The following MCAM variants were observed in gnomAD, a reference collection of about 807,000 sequenced individuals.
The protein encoded by MCAM is melanoma cell adhesion molecule, also known as cell surface glycoprotein MUC18.
A neutral mutation model predicts 79.1 loss-of-function variants in MCAM; 55 were observed. That is an observed-to-expected ratio of 0.70 (90% CI 0.56 to 0.87). The LOEUF (loss-of-function observed/expected upper bound fraction) is 0.87. Ranked by LOEUF, MCAM falls within the 40% of genes least tolerant of loss-of-function variation. MCAM has a pLI of 0.00. For missense variants in MCAM, 745 were observed against 839.8 expected (o/e 0.89, Z 1.40); for synonymous variants, 330 against 339.8 (o/e 0.97, Z 0.32).
chr11:119,311,482 A>G lies in MCAM; in HGVS notation c.1407+48T>C. On this transcript the variant is annotated intron_variant, in intron 11 of 15. Coordinates refer to ENST00000264036, the MANE Select transcript of MCAM (RefSeq NM_006500.3). This position sits in a 1 kb window ranked among gnomAD's most constrained non-coding sequence, Gnocchi z 4.4. ...GGAGGATCTCTGGTCCTGGCCACAA[A>G]GCGCAGGCAGGGATTAGGAGAGTGT... 6.2e-7 allele frequency: 1 copy of G among 1,613,462 alleles called. No homozygotes were observed. Among genetic ancestry groups the G allele is most frequent in the Non-Finnish European group, 8.5e-7 (1 of 1,179,466 alleles).
rs775652669 is a variant in MCAM at position 119,309,934 on chromosome 11, GA to G, written c.1912-20del. On this transcript the variant is annotated intron_variant, in intron 15 of 15. Coordinates refer to ENST00000264036, the MANE Select transcript of MCAM (RefSeq NM_006500.3). ...TCTCTCCCTAAAAGTGGGTAGAGGA[GA>G]AGAGGGGAACACGGAGACGGTGCTG... The G allele has an allele frequency of 2.3e-5, 37 of 1,596,524 alleles. No individual in the cohort carries two copies. The highest frequency in any genetic ancestry group is 2.9e-5 in the Non-Finnish European group (34 of 1,170,372).
In MCAM at chr11:119,315,107, C is replaced by G; in HGVS notation, c.192+32G>C. ...ACAAGAGGGGCAGAGTCTCCCTCCC[C>G]GGGCTGCTCTTGCAGGAGCCCAAGC... On this transcript the variant is annotated intron_variant, in intron 2 of 15. Coordinates refer to ENST00000264036, the MANE Select transcript of MCAM (RefSeq NM_006500.3). This position sits in a 1 kb window ranked among gnomAD's most constrained non-coding sequence, Gnocchi z 4.4. 1.2e-6 allele frequency: 2 copies of G among 1,612,770 alleles called. No individual in the cohort carries two copies. The highest frequency in any genetic ancestry group is 2.2e-5 in the South Asian group (2 of 91,084).
Position 119,310,373 on chromosome 11 carries a change from A to G in MCAM, c.1887T>C (p.Gly629=). 6.2e-7 allele frequency: 1 copy of G among 1,613,700 alleles called. No homozygotes were observed. The highest frequency in any genetic ancestry group is 8.5e-7 in the Non-Finnish European group (1 of 1,179,756). ...EEMGLLQGSS[G]DKRAPGDQGE... is the part of the protein sequence containing the mutation. ...CCTGGTCTCCCGGAGCCCTCTTGTC[A>G]CCGCTGCTGCCCTGCAGGAGGCCCA... Residue 629 remains glycine, a synonymous_variant, in exon 15 of 16, where the codon GGT becomes GGC. Transcript: ENST00000264036.
Position 119,308,985 on chromosome 11 carries a change from T to C in MCAM, c.*901A>G, listed in dbSNP as rs993696892. 6 of 152,210 alleles carry C rather than the reference T, an allele frequency of 3.9e-5. No individual in the cohort carries two copies. Among genetic ancestry groups the C allele is most frequent in the African/African-American group, 1.2e-4 (5 of 41,452 alleles). The allele number at this position is 152,210 out of a possible 1,614,324, so 9.4% of individuals were successfully genotyped here. ...CAGGCACGTATCTTTTCTTTTTTTT[T>C]CCTCGAGACGGAGTCTCGCTGTGTT... On this transcript the variant is annotated 3_prime_UTR_variant, in exon 16 of 16. Coordinates refer to ENST00000264036, the MANE Select transcript of MCAM (RefSeq NM_006500.3).
Position 119,317,113 on chromosome 11 carries a change from G to T in MCAM, c.-12C>A. The stretch of plus-strand genomic sequence containing the variant: ...CTGGGAAGCCCCATGCTTCCCGGCC[G>T]GAGGGCGAGAGCCAAGTGAGCAGCT... On this transcript the variant is annotated 5_prime_UTR_variant, in exon 1 of 16. Coordinates refer to ENST00000264036, the MANE Select transcript of MCAM (RefSeq NM_006500.3). This position sits in a 1 kb window ranked among gnomAD's most constrained non-coding sequence, Gnocchi z 6.2. 6.6e-7 allele frequency: 1 copy of T among 1,521,616 alleles called. No homozygotes were observed. The highest frequency in any genetic ancestry group is 8.8e-7 in the Non-Finnish European group (1 of 1,138,978). The allele number at this position is 1,521,616 out of a possible 1,614,324, so 94.3% of individuals were successfully genotyped here.
chr11:119,313,160 C>G (rs771336610), intron 5 of MCAM: 39 of 1,517,700 alleles, frequency 2.6e-5, no homozygotes, highest in Non-Finnish European at 3.3e-5. Flanking sequence ...CTGCTCATAT[C>G]CAAGGATGTG....
chr11:119,310,688 G>A lies in MCAM; in HGVS notation c.1793+68C>T, dbSNP rs77985032. 4,988 of 1,541,150 alleles carry A rather than the reference G, an allele frequency of 3.2e-3. 179 individuals carry two copies. The East Asian group carries it at 0.087, about 27-fold the overall frequency. On this transcript the variant is annotated intron_variant, in intron 14 of 15. Transcript: ENST00000264036. Reference sequence around the variant, plus strand: ...CCACTCCTGCTGTCAAGGGGCAGGCGGGCGCTGGGCAGGCAGCAGGCTGGG... The same window carrying A: ...CCACTCCTGCTGTCAAGGGGCAGGCAGGCGCTGGGCAGGCAGCAGGCTGGG...
Position 119,317,036 on chromosome 11 carries a change from C to A in MCAM, c.66G>T (p.Ala22=), listed in dbSNP as rs1419013303. ...LAACCCCPRV[A]GVPGEAEQPA... is the part of the protein sequence containing the mutation. ...CGGCCCCCCTGCGAGCGAACTCACC[C>A]GCGACGCGAGGACAGCAGCAGCAGG... Residue 22 remains alanine (A), a splice_region_variant and synonymous_variant, in exon 1 of 16, where the codon GCG becomes GCT. Coordinates refer to ENST00000264036, the MANE Select transcript of MCAM (RefSeq NM_006500.3). The surrounding 1 kb of genome is among the most constrained non-coding windows in gnomAD (Gnocchi z 6.2). 2 of 1,532,642 alleles carry A rather than the reference C, an allele frequency of 1.3e-6. No individual in the cohort carries two copies. The highest frequency in any genetic ancestry group is 1.4e-5 in the African/African-American group (1 of 71,734). The allele number at this position is 1,532,642 out of a possible 1,614,324, so 94.9% of individuals were successfully genotyped here.
rs1322059286 is a variant in MCAM, at chr11:119,309,377, C to T, written c.*509G>A. On this transcript the variant is annotated 3_prime_UTR_variant, in exon 16 of 16. Transcript: ENST00000264036. ...AGACAGGAGGGTGGTGGCAGCAACA[C>T]TGCAGCTGCTTCTGGATGCTGCTGG... The T allele has an allele frequency of 6.4e-6, 1 of 156,336 alleles. No individual in the cohort carries two copies. The highest frequency in any genetic ancestry group is 2.4e-5 in the African/African-American group (1 of 41,520). The allele number at this position is 156,336 out of a possible 1,614,324, so 9.7% of individuals were successfully genotyped here.
In MCAM at chr11:119,310,841, G is replaced by C. The variant is rs375032785; in HGVS notation, c.1708C>G (p.Leu570Val). ...ACAGCGCCCAGCACCGCCAGGACCA[G>C]GATGCACACAATCACAGCCACGATG... is the stretch of plus-strand genomic sequence containing the variant. ...VVIVAVIVCI[L>V]VLAVLGAVLY... The change falls in exon 14 of 16, where the codon CTG (leucine) becomes GTG (valine). Residue 570 changes from leucine (L) to valine (V), a missense_variant. By Grantham distance (32) the Leu-to-Val change is conservative (BLOSUM62 1). Transcript: ENST00000264036. 3.1e-6 allele frequency: 5 copies of C among 1,614,096 alleles called. No homozygotes were observed. The highest frequency in any genetic ancestry group is 1.3e-5 in the African/African-American group (1 of 74,942).
chr11:119,316,497 C>G lies in MCAM; in HGVS notation c.67+538G>C, dbSNP rs988300095. 6.5e-6 allele frequency: 1 copy of G among 154,302 alleles called. No individual in the cohort carries two copies. Among genetic ancestry groups the G allele is most frequent in the Non-Finnish European group, 1.4e-5 (1 of 69,372 alleles). The allele number at this position is 154,302 out of a possible 1,614,324, so 9.6% of individuals were successfully genotyped here. On this transcript the variant is annotated intron_variant, in intron 1 of 15. Transcript: ENST00000264036. The surrounding 1 kb of genome is among the most constrained non-coding windows in gnomAD (Gnocchi z 4.8). ...CGGGGAGGCGCGAGGCGACCCACACCGCCCCGCAACCCCTGCCAACGCCCA... is the reference window on the plus strand; with the variant it reads ...CGGGGAGGCGCGAGGCGACCCACACGGCCCCGCAACCCCTGCCAACGCCCA...
At position 119,314,685 on chromosome 11, in the gene MCAM, A is replaced by T. The variant is rs1381899544; in HGVS notation, c.465T>A (p.Pro155=). ...PLGIPVNSKE[P]EEVATCVGRN... ...CACCTGCCACACATCTCACCTCCTC[A>T]GGCTCCTTACTGTTCACAGGGATGC... Residue 155 remains proline (P), a synonymous_variant, in exon 4 of 16, where the codon CCT becomes CCA. Coordinates refer to ENST00000264036, the MANE Select transcript of MCAM (RefSeq NM_006500.3). 1.2e-6 allele frequency: 2 copies of T among 1,613,746 alleles called. No individual in the cohort carries two copies. Among genetic ancestry groups the T allele is most frequent in the Non-Finnish European group, 1.7e-6 (2 of 1,179,956 alleles).
Position 119,317,049 on chromosome 11 carries a change from C to T in MCAM, c.53G>A (p.Cys18Tyr). The T allele has an allele frequency of 7.2e-6, 11 of 1,529,986 alleles. No homozygotes were observed. Among genetic ancestry groups the T allele is most frequent in the Non-Finnish European group, 9.6e-6 (11 of 1,141,742 alleles). The allele number at this position is 1,529,986 out of a possible 1,614,324, so 94.8% of individuals were successfully genotyped here. Reference sequence around the variant, plus strand: ...AGCGAACTCACCCGCGACGCGAGGACAGCAGCAGCAGGCGGCGAGCAAGAA... The same window carrying T: ...AGCGAACTCACCCGCGACGCGAGGATAGCAGCAGCAGGCGGCGAGCAAGAA... Reference protein sequence around the residue: ...CAFLLAACCCCPRVAGVPGEA... With the variant: ...CAFLLAACCCYPRVAGVPGEA... The change falls in exon 1 of 16, where the codon TGT becomes TAT. Residue 18 changes from cysteine to tyrosine, a missense_variant. Coordinates refer to ENST00000264036, the MANE Select transcript of MCAM (RefSeq NM_006500.3). This position sits in a 1 kb window ranked among gnomAD's most constrained non-coding sequence, Gnocchi z 6.2.
At position 119,315,490 on chromosome 11, in the gene MCAM, CTG is replaced by C. The variant is rs1950300053; in HGVS notation, c.68-229_68-228del. The stretch of plus-strand genomic sequence containing the variant: ...GAGCCAAGCAGAGATTGAGCAGAGA[CTG>C]AGCACCGAACAGCTCCAGCTGAGGC... On this transcript the variant is annotated intron_variant, in intron 1 of 15. Transcript: ENST00000264036. This position sits in a 1 kb window ranked among gnomAD's most constrained non-coding sequence, Gnocchi z 4.4. The C allele has an allele frequency of 2.5e-5, 14 of 569,588 alleles. No homozygotes were observed. The East Asian group carries it at 3.9e-4, about 16-fold the overall frequency. 35.3% of individuals were successfully genotyped at this position (569,588 alleles called of 1,614,324 possible).
In MCAM at chr11:119,311,643, A is replaced by C; in HGVS notation, c.1294T>G (p.Trp432Gly). 1 of 1,614,064 alleles carries C rather than the reference A, an allele frequency of 6.2e-7. No individual in the cohort carries two copies. Among genetic ancestry groups the C allele is most frequent in the Non-Finnish European group, 8.5e-7 (1 of 1,179,980 alleles). ...LVNVAIFGPP[W>G]MAFKERKVWV... Reference sequence around the variant, plus strand: ...ACCTTCCTCTCCTTGAATGCCATCCAAGGGGGGCCTTGGGGAGGTAGGGAG... The same window carrying C: ...ACCTTCCTCTCCTTGAATGCCATCCCAGGGGGGCCTTGGGGAGGTAGGGAG... Residue 432 changes from tryptophan (W) to glycine (G), a missense_variant, in exon 11 of 16, where the codon TGG (tryptophan) becomes GGG (glycine). By Grantham distance (184) the Trp-to-Gly change is radical. Transcript: ENST00000264036. This position sits in a 1 kb window ranked among gnomAD's most constrained non-coding sequence, Gnocchi z 4.4.
chr11:119,309,597 A>T lies in MCAM; in HGVS notation c.*289T>A. 1 of 503,886 alleles carries T rather than the reference A, an allele frequency of 2.0e-6. No individual in the cohort carries two copies. Among genetic ancestry groups the T allele is most frequent in the Non-Finnish European group, 3.6e-6 (1 of 281,384 alleles). 31.2% of individuals were successfully genotyped at this position (503,886 alleles called of 1,614,324 possible). ...CAGCCATAATGTGTGTAAAGAAAAA[A>T]CACGTTCTGCAAGAAACTCTCCTAC... On this transcript the variant is annotated 3_prime_UTR_variant, in exon 16 of 16. Coordinates refer to ENST00000264036, the MANE Select transcript of MCAM (RefSeq NM_006500.3).
At position 119,316,883 on chromosome 11, in the gene MCAM, G is replaced by T; in HGVS notation, c.67+152C>A. 1 of 602,658 alleles carries T rather than the reference G, an allele frequency of 1.7e-6. No homozygotes were observed. Among genetic ancestry groups the T allele is most frequent in the Non-Finnish European group, 2.8e-6 (1 of 362,340 alleles). 37.3% of individuals were successfully genotyped at this position (602,658 alleles called of 1,614,324 possible). ...AACTGGCTGCAAAGAAGAGTTGCTCGCGCGCAAGGCGCCCGGGGATCGGGG... is the reference window on the plus strand; with the variant it reads ...AACTGGCTGCAAAGAAGAGTTGCTCTCGCGCAAGGCGCCCGGGGATCGGGG... On this transcript the variant is annotated intron_variant, in intron 1 of 15. Transcript: ENST00000264036. This position sits in a 1 kb window ranked among gnomAD's most constrained non-coding sequence, Gnocchi z 4.8.
At chr11:119,310,494 T>G (rs1283775140) in intron 14 of MCAM, 28 bp from the exon 15 acceptor site, 1 of 1,456,220 alleles carries the variant, frequency 6.9e-7, no homozygotes, top group Admixed American at 1.7e-5. Context: ...GGTGAGAGGT[T>G]GGTATCTCAG....
rs1950206965 is a variant in MCAM at position 119,310,054 on chromosome 11, G to A, written c.1912-139C>T. 8.0e-6 allele frequency: 6 copies of A among 748,592 alleles called. No homozygotes were observed. In the South Asian group the frequency reaches 9.8e-5, roughly 12 times the overall value. 46.4% of individuals were successfully genotyped at this position (748,592 alleles called of 1,614,324 possible). A position where few individuals can be genotyped will look rare whatever the true frequency, so the allele number is the denominator to read the frequency against. ...TTGGGGAGGAAGCTAGGATGGGCAT[G>A]GCAGGCCAGGGAAGGAGGGCGGCCC... On this transcript the variant is annotated intron_variant, in intron 15 of 15. Coordinates refer to ENST00000264036, the MANE Select transcript of MCAM (RefSeq NM_006500.3).
Sources: gnomAD v4.1 joint callset for allele counts on GRCh38, gnomAD v4.1.1 for gene constraint, Gnocchi (gnomAD v3.1) non-coding constraint, MANE v1.5 for transcripts, NCBI Gene and HGNC (gene_info 2026-07-23, HGNC 2026-07-21) for gene names.